ST3GAL4: variants seen among roughly 807,000 people sequenced by gnomAD.
ST3GAL4 encodes the protein CMP-N-acetylneuraminate-beta-galactosamide-alpha-2,3-sialyltransferase 4.
ST3GAL4 carries 24 observed loss-of-function variants against 42.6 expected under a neutral mutation model. The ratio of observed to expected loss-of-function variants is 0.56; its 90% CI spans 0.41 to 0.79. ST3GAL4 has a LOEUF of 0.79. Among genes scored for constraint, ST3GAL4 ranks in the 30% least tolerant of loss-of-function variants. ST3GAL4 has a pLI of 0.00. For synonymous variants in ST3GAL4, 135 were observed against 163.2 expected, an observed-to-expected ratio of 0.83 and a Z score of 1.32; for missense variants, 311 against 430.8, an observed-to-expected ratio of 0.72 and a Z score of 2.46.
chr11:126,379,395 C>G lies in ST3GAL4; in HGVS notation c.-61+23553C>G, dbSNP rs1330491493. Among the ~76,000 whole-genome samples, 2 of 152,136 alleles carry G rather than the reference C, an allele frequency of 1.3e-5. No individual in the cohort carries two copies. Among genetic ancestry groups the G allele is most frequent in the African/African-American group, 4.8e-5 (2 of 41,452 alleles). On this transcript the variant is annotated intron_variant, in intron 1 of 10. Transcript: ENST00000444328. The surrounding 1 kb of genome is among the most constrained non-coding windows in gnomAD (Gnocchi z 4.2). The stretch of plus-strand genomic sequence containing the variant: ...GCCACATGGAGTCTTGTTTCATTGT[C>G]TTGGGAAAGCTGTGTCTATTTCATG...
intron 1 of ST3GAL4, among the ~76,000 whole-genome samples, chr11:126,380,142 A>G (rs571827212): frequency 2.6e-5 from 4 of 152,090 alleles, no homozygotes; most frequent in African/African-American, 9.6e-5. Context: ...CATGCCTGTA[A>G]TCCCAGCTAC....
intron 4 of ST3GAL4, 68 bp from the exon 5 acceptor site, chr11:126,407,184 C>T (rs1418128135): frequency 3.8e-6 from 6 of 1,561,734 alleles, no homozygotes; most frequent in African/African-American, 1.4e-5. Flanking sequence ...TAGTCATGGG[C>T]CTAACCCTAC....
At position 126,397,065 on chromosome 11, in the gene ST3GAL4, T is replaced by C. The variant is rs1311713264; in HGVS notation, c.-60-9031T>C. ...ACAGACCCCGCAACAGTGAACTCTC[T>C]GGCCCCTCCAAGTCAGTGGTGCAGA... is the stretch of plus-strand genomic sequence containing the variant. On this transcript the variant is annotated intron_variant, in intron 1 of 10. Coordinates refer to ENST00000444328, the MANE Select transcript of ST3GAL4 (RefSeq NM_001254757.2). This position sits in a 1 kb window ranked among gnomAD's most constrained non-coding sequence, Gnocchi z 5.0. 1.3e-5 allele frequency among the ~76,000 whole-genome samples: 2 copies of C among 152,120 alleles called. No homozygotes were observed. The highest frequency in any genetic ancestry group is 2.9e-5 in the Non-Finnish European group (2 of 68,040).
intron 1 of ST3GAL4, among the ~76,000 whole-genome samples, chr11:126,395,376 A>T (rs531766500): frequency 6.6e-6 from 1 of 152,226 alleles, no homozygotes; most frequent in African/African-American, 2.4e-5. Flanking sequence ...CTGAGTAAAG[A>T]GCTGGACGGA....
At chr11:126,413,389 C>G in intron 9 of ST3GAL4, 116 bp from the exon 10 acceptor site, 1 of 1,337,106 alleles carries the variant, frequency 7.5e-7, no homozygotes, top group African/African-American at 1.5e-5. Context: ...TCTTGTTGGA[C>G]AGCGCAGATG....
At chr11:126,369,689 T>A (rs886944012) in intron 1 of ST3GAL4, among the ~76,000 whole-genome samples, 1 of 152,222 alleles carries the variant, frequency 6.6e-6, no homozygotes, top group Non-Finnish European at 1.5e-5. Flanking sequence ...TATTTTTTCT[T>A]CTTCCTTTTT....
At chr11:126,402,686 G>C (rs1954059052) in intron 1 of ST3GAL4, among the ~76,000 whole-genome samples, 1 of 152,174 alleles carries the variant, frequency 6.6e-6, no homozygotes. Context: ...GGTTGGGCGG[G>C]TACCTGCTGA....
In ST3GAL4 at chr11:126,363,152, C is replaced by T. The variant is rs1366003840; in HGVS notation, c.-61+7310C>T. On this transcript the variant is annotated intron_variant, in intron 1 of 10. Coordinates refer to ENST00000444328, the MANE Select transcript of ST3GAL4 (RefSeq NM_001254757.2). The surrounding 1 kb of genome is among the most constrained non-coding windows in gnomAD (Gnocchi z 4.6). ...TGTTGATGGAGTATGGGAGATTGTC[C>T]TCACAGGCAGTGTGGGCCGTTTCTC... is the stretch of plus-strand genomic sequence containing the variant. 1.3e-5 allele frequency among the ~76,000 whole-genome samples: 2 copies of T among 152,156 alleles called. No homozygotes were observed. Among genetic ancestry groups the T allele is most frequent in the East Asian group, 1.9e-4 (1 of 5,182 alleles).
chr11:126,397,532 G>A lies in ST3GAL4; in HGVS notation c.-60-8564G>A, dbSNP rs1468331021. On this transcript the variant is annotated intron_variant, in intron 1 of 10. Coordinates refer to ENST00000444328, the MANE Select transcript of ST3GAL4 (RefSeq NM_001254757.2). This position sits in a 1 kb window ranked among gnomAD's most constrained non-coding sequence, Gnocchi z 5.0. ...ATTTGGAAGTATAAGTCAAGCCTTC[G>A]TAGGAGAGGAACCATTTCAGCCCGA... Among the ~76,000 whole-genome samples, 3 of 151,114 alleles carry A rather than the reference G, an allele frequency of 2.0e-5. No individual in the cohort carries two copies. Among genetic ancestry groups the A allele is most frequent in the Non-Finnish European group, 4.4e-5 (3 of 67,980 alleles).
intron 1 of ST3GAL4, among the ~76,000 whole-genome samples, chr11:126,358,955 G>T (rs956323545): frequency 3.9e-5 from 6 of 152,218 alleles, no homozygotes; most frequent in Non-Finnish European, 2.9e-5. Context: ...GGCCTTGATT[G>T]TGAGGAAGGC....
chr11:126,368,400 C>G (rs1262058072), intron 1 of ST3GAL4, among the ~76,000 whole-genome samples: 1 of 152,238 alleles, frequency 6.6e-6, no homozygotes. Context: ...GCAGTCGGCC[C>G]TCAGGCCCTG....
At chr11:126,375,470 C>T (rs374699691) in intron 1 of ST3GAL4, among the ~76,000 whole-genome samples, 12 of 152,186 alleles carry the variant, frequency 7.9e-5, no homozygotes, top group African/African-American at 2.2e-4. Context: ...TTTTAGAAGC[C>T]GTAGGATGTG....
In ST3GAL4 at chr11:126,406,808, A is replaced by G; in HGVS notation, c.102-135A>G. Reference sequence around the variant, plus strand: ...TGGATCCTCAAGGACTTGGGTTCCAAGTGGAACTTAACTTGAGATGATTCC... The same window carrying G: ...TGGATCCTCAAGGACTTGGGTTCCAGGTGGAACTTAACTTGAGATGATTCC... On this transcript the variant is annotated intron_variant, in intron 3 of 10. Transcript: ENST00000444328. The surrounding 1 kb of genome is among the most constrained non-coding windows in gnomAD (Gnocchi z 5.4). The G allele has an allele frequency of 1.0e-6, 1 of 991,328 alleles. No individual in the cohort carries two copies. Among genetic ancestry groups the G allele is most frequent in the Non-Finnish European group, 1.5e-6 (1 of 651,056 alleles). The allele number at this position is 991,328 out of a possible 1,614,324, so 61.4% of individuals were successfully genotyped here. A position where few individuals can be genotyped will look rare whatever the true frequency, so the allele number is the denominator to read the frequency against.
chr11:126,407,178 C>T (rs1436505646), intron 4 of ST3GAL4, 74 bp from the exon 5 acceptor site: 22 of 1,548,300 alleles, frequency 1.4e-5, no homozygotes, highest in Non-Finnish European at 1.8e-5. Context: ...TAATATTAGT[C>T]ATGGGCCTAA....
In ST3GAL4 at chr11:126,406,486, G is replaced by C. The variant is rs1251919963; in HGVS notation, c.30G>C (p.Leu10=). 6.2e-7 allele frequency: 1 copy of C among 1,614,182 alleles called. No individual in the cohort carries two copies. The highest frequency in any genetic ancestry group is 8.5e-7 in the Non-Finnish European group (1 of 1,180,032). Residue 10 remains leucine, a synonymous_variant, in exon 3 of 11, where the codon CTG becomes CTC. Coordinates refer to ENST00000444328, the MANE Select transcript of ST3GAL4 (RefSeq NM_001254757.2). This position sits in a 1 kb window ranked among gnomAD's most constrained non-coding sequence, Gnocchi z 5.4. ...TGTGTCCTGCAGGCTGGAAGCTCCT[G>C]GCCATGTTGGCTCTGGTCCTGGTCG... MVSKSRWKL[L]AMLALVLVVM... is the part of the protein sequence containing the mutation.
chr11:126,366,108 C>T lies in ST3GAL4; in HGVS notation c.-61+10266C>T, dbSNP rs1952414067. Among the ~76,000 whole-genome samples, 1 of 152,200 alleles carries T rather than the reference C, an allele frequency of 6.6e-6. No individual in the cohort carries two copies. The highest frequency in any genetic ancestry group is 2.4e-5 in the African/African-American group (1 of 41,440). On this transcript the variant is annotated intron_variant, in intron 1 of 10. Coordinates refer to ENST00000444328, the MANE Select transcript of ST3GAL4 (RefSeq NM_001254757.2). The surrounding 1 kb of genome is among the most constrained non-coding windows in gnomAD (Gnocchi z 4.2). ...CGAGGTTCCTGAGGGCTGGCACAGC[C>T]ACTCCCTGCCCCTTAGAGGCTCCGG... is the stretch of plus-strand genomic sequence containing the variant.
At chr11:126,399,884 G>A (rs1025042781) in intron 1 of ST3GAL4, among the ~76,000 whole-genome samples, 1 of 152,074 alleles carries the variant, frequency 6.6e-6, no homozygotes, top group Admixed American at 6.6e-5. Context: ...TCATCAGAAT[G>A]GCCTTCACGA....
intron 1 of ST3GAL4, among the ~76,000 whole-genome samples, chr11:126,362,409 C>G (rs1839858586): frequency 6.6e-6 from 1 of 152,022 alleles, no homozygotes. Context: ...CCATGTTGGC[C>G]AAGCTGGTCT....
At chr11:126,374,051 A>ACT (rs1398512201) in intron 1 of ST3GAL4, among the ~76,000 whole-genome samples, 22 of 152,022 alleles carry the variant, frequency 1.4e-4, no homozygotes, top group Non-Finnish European at 2.2e-4. Context: ...CAACATGGGT[A>ACT]ATACAGCAGC....
Sources: allele counts gnomAD v4.1 joint callset (sites outside exome capture counted in the v4.1 genomes callset), GRCh38; gene constraint gnomAD v4.1.1; non-coding constraint Gnocchi (gnomAD v3.1); transcripts MANE v1.5; gene names NCBI Gene and HGNC (gene_info 2026-07-23, HGNC 2026-07-21).